The following NRIP1 variants were observed in gnomAD, a reference collection of about 807,000 sequenced individuals.
NRIP1 encodes the protein nuclear receptor-interacting protein 1.
Under a neutral mutation model 75.0 loss-of-function variants are expected in NRIP1, and 28 were observed. That is an observed-to-expected ratio of 0.37 (90% CI 0.28 to 0.51). The LOEUF is 0.51. Ranked by LOEUF, NRIP1 falls within the 20% of genes least tolerant of loss-of-function variation. The pLI, the probability that NRIP1 is intolerant of heterozygous loss-of-function variation, is 0.92. For synonymous variants in NRIP1, 526 were observed against 487.6 expected, an observed-to-expected ratio of 1.08 and a Z score of -1.04; for missense variants, 1,435 against 1,343.7, an observed-to-expected ratio of 1.07 and a Z score of -1.06.
At chr21:15,043,953 G>C (rs778835786) in intron 1 of NRIP1, among the ~76,000 whole-genome samples, 1 of 152,070 alleles carries the variant, frequency 6.6e-6, no homozygotes, top group South Asian at 2.1e-4. Context: ...CAAGTAGCTG[G>C]GATTACAGGT....
intron 1 of NRIP1, among the ~76,000 whole-genome samples, chr21:15,055,177 G>A (rs745929867): frequency 1.3e-5 from 2 of 152,044 alleles, no homozygotes; most frequent in Non-Finnish European, 2.9e-5. Context: ...AGAGGAATGG[G>A]GTCCATAAAC....
At chr21:15,021,220 C>G (rs1470621454) in intron 2 of NRIP1, among the ~76,000 whole-genome samples, 1 of 152,158 alleles carries the variant, frequency 6.6e-6, no homozygotes, top group Non-Finnish European at 1.5e-5. Flanking sequence ...AGGGAATGAA[C>G]TAATGATTCA....
intron 2 of NRIP1, among the ~76,000 whole-genome samples, chr21:15,024,434 A>C (rs775209174): frequency 7.2e-5 from 11 of 152,116 alleles, no homozygotes; most frequent in Non-Finnish European, 1.0e-4. Context: ...CCCAGCTACT[A>C]GGGAGGCTGA....
chr21:15,056,168 G>C (rs1427225397), intron 1 of NRIP1, among the ~76,000 whole-genome samples: 2 of 151,838 alleles, frequency 1.3e-5, no homozygotes, highest in Non-Finnish European at 2.9e-5. Context: ...GTGCCTCTAA[G>C]ATAGGTGTGC....
intron 2 of NRIP1, among the ~76,000 whole-genome samples, chr21:15,028,679 G>A (rs985314310): frequency 6.6e-6 from 1 of 152,010 alleles, no homozygotes; most frequent in Non-Finnish European, 1.5e-5. Flanking sequence ...ATTACTTCCA[G>A]TGTTTCCCTG....
chr21:14,969,586 G>A (rs1241482077), intron 3 of NRIP1, among the ~76,000 whole-genome samples: 1 of 152,142 alleles, frequency 6.6e-6, no homozygotes, highest in Non-Finnish European at 1.5e-5. Context: ...TGGAAGAGAA[G>A]CTGGAATAAA....
At chr21:15,050,747 G>A in intron 1 of NRIP1, 1 of 456,060 alleles carries the variant, frequency 2.2e-6, no homozygotes, top group Admixed American at 2.3e-5. Flanking sequence ...GGAAGAGATT[G>A]CCCCTCTAGG....
chr21:15,062,631 T>C (rs191302464), intron 1 of NRIP1, among the ~76,000 whole-genome samples: 1 of 152,374 alleles, frequency 6.6e-6, no homozygotes, highest in East Asian at 1.9e-4. Flanking sequence ...ATTACTTAAA[T>C]AATTGTTCTC....
intron 2 of NRIP1, among the ~76,000 whole-genome samples, chr21:15,020,061 C>A (rs2088334859): frequency 6.6e-6 from 1 of 151,944 alleles, no homozygotes; most frequent in South Asian, 2.1e-4. Flanking sequence ...ATTCTCCCTA[C>A]ACTGATCTAC....
chr21:15,013,520 CTG>C (rs1327016576), intron 3 of NRIP1, among the ~76,000 whole-genome samples: 1 of 152,134 alleles, frequency 6.6e-6, no homozygotes, highest in Non-Finnish European at 1.5e-5. Flanking sequence ...CTAGATGAAA[CTG>C]AACTATTCAC....
At chr21:15,030,978 C>T (rs1329579640) in intron 2 of NRIP1, among the ~76,000 whole-genome samples, 2 of 143,476 alleles carry the variant, frequency 1.4e-5, no homozygotes, top group Non-Finnish European at 3.2e-5. Flanking sequence ...TATGTGTGTA[C>T]ACTCTGGAAG....
At chr21:15,043,083 G>A (rs2088992735) in intron 2 of NRIP1, among the ~76,000 whole-genome samples, 1 of 152,112 alleles carries the variant, frequency 6.6e-6, no homozygotes, top group Non-Finnish European at 1.5e-5. Context: ...GATGGCAGCT[G>A]ATCCCTACAC....
intron 2 of NRIP1, among the ~76,000 whole-genome samples, chr21:15,028,628 G>C (rs2147244242): frequency 6.6e-6 from 1 of 152,212 alleles, no homozygotes; most frequent in East Asian, 1.9e-4. Flanking sequence ...CTAAATAAAT[G>C]TACAGTGTAC....
chr21:15,035,036 A>T (rs2088800260), intron 2 of NRIP1, among the ~76,000 whole-genome samples: 1 of 152,116 alleles, frequency 6.6e-6, no homozygotes. Flanking sequence ...CATCTTACAG[A>T]TCAAAAAACT....
At chr21:15,052,727 AAC>A (rs1217086995) in intron 1 of NRIP1, among the ~76,000 whole-genome samples, 2 of 152,206 alleles carry the variant, frequency 1.3e-5, no homozygotes, top group Non-Finnish European at 2.9e-5. Context: ...AATTCCAAAA[AAC>A]ACAATGAAAA....
intron 2 of NRIP1, among the ~76,000 whole-genome samples, chr21:15,042,696 A>G (rs572975311): frequency 7.4e-4 from 112 of 152,318 alleles, no homozygotes; most frequent in Non-Finnish European, 1.5e-3. Context: ...GGCCCTTACT[A>G]AACATTAAAT....
chr21:15,014,522 C>G (rs1221809942), intron 2 of NRIP1, 56 bp from the exon 3 acceptor site: 1 of 398,110 alleles, frequency 2.5e-6, no homozygotes, highest in Non-Finnish European at 4.4e-6. Context: ...TTCTGGAATA[C>G]CTTTTGATCA....
At chr21:14,980,058 T>C (rs890330804) in intron 3 of NRIP1, among the ~76,000 whole-genome samples, 3 of 152,208 alleles carry the variant, frequency 2.0e-5, no homozygotes, top group Non-Finnish European at 4.4e-5. Context: ...AACTTGTAAG[T>C]CACTGCTTCA....
intron 2 of NRIP1, among the ~76,000 whole-genome samples, chr21:15,018,726 C>G (rs910561429): frequency 6.6e-6 from 1 of 152,096 alleles, no homozygotes; most frequent in African/African-American, 2.4e-5. Flanking sequence ...GGACGGAGAA[C>G]ACAATGATAA....
Sources: gnomAD v4.1 joint callset for allele counts (sites outside exome capture counted in the v4.1 genomes callset) on GRCh38, gnomAD v4.1.1 for gene constraint, MANE v1.5 for transcripts, NCBI Gene and HGNC (gene_info 2026-07-23, HGNC 2026-07-21) for gene names.